Variants in ERC2 observed in about 807,000 individuals in gnomAD.
ERC2 encodes ERC protein 2.
Under a neutral mutation model 114.8 loss-of-function variants are expected in ERC2, and 42 were observed. The observed-to-expected ratio is 0.37, with a 90% CI of 0.29 to 0.47. The LOEUF (loss-of-function observed/expected upper bound fraction) is 0.47. ERC2 is among the 20% of genes least tolerant of loss of function. ERC2 has a pLI of 0.99. For synonymous variants in ERC2, 454 were observed against 425.5 expected, an observed-to-expected ratio of 1.07 and a Z score of -0.82; for missense variants, 939 against 1,150.7, an observed-to-expected ratio of 0.82 and a Z score of 2.66.
chr3:56,426,500 T>G (rs1212413659), intron 2 of ERC2, among the ~76,000 whole-genome samples: 5 of 152,252 alleles, frequency 3.3e-5, no homozygotes, highest in African/African-American at 1.2e-4. Context: ...CCCCTCTGCC[T>G]TGGCAGGGAG....
intron 17 of ERC2, among the ~76,000 whole-genome samples, chr3:55,600,399 C>G (rs1020177464): frequency 6.6e-6 from 1 of 152,128 alleles, no homozygotes; most frequent in African/African-American, 2.4e-5. Flanking sequence ...AAATAACAGG[C>G]TGTCTTTAAG....
At chr3:55,802,175 A>C (rs903303870) in intron 14 of ERC2, among the ~76,000 whole-genome samples, 4 of 152,270 alleles carry the variant, frequency 2.6e-5, no homozygotes, top group Non-Finnish European at 4.4e-5. Flanking sequence ...AAATGTACTC[A>C]ATTACAAATT....
intron 13 of ERC2, among the ~76,000 whole-genome samples, chr3:55,934,082 A>G (rs1193195600): frequency 6.6e-6 from 1 of 152,208 alleles, no homozygotes; most frequent in Admixed American, 6.5e-5. Flanking sequence ...GCATATGTGT[A>G]TATATATCTA....
intron 6 of ERC2, among the ~76,000 whole-genome samples, chr3:56,135,000 G>A (rs2080422271): frequency 6.6e-6 from 1 of 151,580 alleles, no homozygotes; most frequent in Non-Finnish European, 1.5e-5. Context: ...AGGCTGGAGT[G>A]CAGTGGCATG....
chr3:55,825,837 AATT>A (rs2060304360), intron 14 of ERC2, among the ~76,000 whole-genome samples: 1 of 152,112 alleles, frequency 6.6e-6, no homozygotes, highest in African/African-American at 2.4e-5. Flanking sequence ...TTTTTGTTTT[AATT>A]ATTATTATTT....
chr3:55,948,115 C>T (rs972538780), intron 13 of ERC2, among the ~76,000 whole-genome samples: 4 of 152,194 alleles, frequency 2.6e-5, no homozygotes, highest in African/African-American at 9.7e-5. Context: ...CTTCATTCAA[C>T]TTTGTTTCCG....
chr3:56,029,152 G>A (rs745901441), intron 7 of ERC2, among the ~76,000 whole-genome samples: 4 of 151,788 alleles, frequency 2.6e-5, no homozygotes, highest in Non-Finnish European at 5.9e-5. Flanking sequence ...AATTTCACTT[G>A]GTCATGCCAT....
chr3:56,416,367 C>G (rs1442049864), intron 2 of ERC2, among the ~76,000 whole-genome samples: 1 of 152,056 alleles, frequency 6.6e-6, no homozygotes, highest in East Asian at 1.9e-4. Context: ...TCATACTGGC[C>G]CATTCCCTAC....
chr3:56,167,615 C>T (rs6445768), intron 4 of ERC2, among the ~76,000 whole-genome samples: 124,556 of 152,030 alleles, frequency 0.82, 52,184 homozygotes, highest in South Asian at 0.93. Flanking sequence ...TTTGTTGTTG[C>T]TTTATATTGG....
chr3:55,596,508 G>T (rs2058143746), intron 17 of ERC2, among the ~76,000 whole-genome samples: 1 of 152,184 alleles, frequency 6.6e-6, no homozygotes, highest in Non-Finnish European at 1.5e-5. Context: ...GAGCCCAGGA[G>T]TTCAAGGTTA....
At chr3:56,168,082 T>C (rs1349319165) in intron 4 of ERC2, among the ~76,000 whole-genome samples, 3 of 151,926 alleles carry the variant, frequency 2.0e-5, no homozygotes, top group Admixed American at 2.0e-4. Flanking sequence ...AAAGAAGGAG[T>C]AAAGAGTGCA....
intron 14 of ERC2, among the ~76,000 whole-genome samples, chr3:55,790,052 G>C (rs1041897190): frequency 4.6e-5 from 7 of 152,066 alleles, no homozygotes; most frequent in African/African-American, 1.7e-4. Context: ...AAGTCTAAAG[G>C]CTCTCCCCCA....
chr3:56,224,845 C>T (rs1356093011), intron 3 of ERC2, among the ~76,000 whole-genome samples: 1 of 152,146 alleles, frequency 6.6e-6, no homozygotes, highest in African/African-American at 2.4e-5. Flanking sequence ...ACTGAATACC[C>T]ATTATGAGCC....
At chr3:56,434,121 T>C in intron 2 of ERC2, 15 of 321,708 alleles carry the variant, frequency 4.7e-5, no homozygotes, top group Non-Finnish European at 4.8e-5. Flanking sequence ...ACCCCACCCC[T>C]CTCCCCATCT....
chr3:56,333,990 A>T (rs140113654), intron 2 of ERC2, among the ~76,000 whole-genome samples: 188 of 152,284 alleles, frequency 1.2e-3, no homozygotes, highest in African/African-American at 4.2e-3. Flanking sequence ...TAATCTTTGA[A>T]TCTCTATGGT....
At chr3:56,431,134 C>T (rs1433494245) in intron 2 of ERC2, among the ~76,000 whole-genome samples, 1 of 152,202 alleles carries the variant, frequency 6.6e-6, no homozygotes, top group Non-Finnish European at 1.5e-5. Flanking sequence ...GCACTAAGCA[C>T]AATGCCTAGC....
chr3:55,738,246 C>T (rs2065763435), intron 14 of ERC2, among the ~76,000 whole-genome samples: 1 of 151,878 alleles, frequency 6.6e-6, no homozygotes, highest in Non-Finnish European at 1.5e-5. Flanking sequence ...CAAGATAATC[C>T]CTAAAACATA....
In ERC2 at chr3:55,733,538, TCTCTCACACACACA is replaced by T. The variant is rs2065426615; in HGVS notation, c.2712+1219_2712+1232del. 1.2e-4 allele frequency among the ~76,000 whole-genome samples: 9 copies of T among 74,246 alleles called. No individual in the cohort carries two copies. The South Asian group carries it at 2.1e-3, about 18-fold the overall frequency. 48.7% of individuals were successfully genotyped at this position (74,246 alleles called of 152,430 possible). ...CTCTCTGTCTCTCATTCTTTCTCTCTCTCTCACACACACACACACACACACACACACACACACAC... is the reference window on the plus strand; with the variant it reads ...CTCTCTGTCTCTCATTCTTTCTCTCTCACACACACACACACACACACACAC... On this transcript the variant is annotated intron_variant, in intron 15 of 17. Coordinates refer to ENST00000288221, the MANE Select transcript of ERC2 (RefSeq NM_015576.3).
At position 56,019,129 on chromosome 3, in the gene ERC2, C is replaced by A. The variant is rs1397318788; in HGVS notation, c.1642-98G>T. ...ATTAATAAAAAAAGAAAGAAAAAGA[C>A]CTGAAATGATAGAAATTGTCAGTAG... On this transcript the variant is annotated intron_variant, in intron 7 of 17. Coordinates refer to ENST00000288221, the MANE Select transcript of ERC2 (RefSeq NM_015576.3). The A allele has an allele frequency of 1.1e-5, 10 of 932,548 alleles. No homozygotes were observed. In the Admixed American group the frequency reaches 1.1e-4, roughly 11 times the overall value. 57.8% of individuals were successfully genotyped at this position (932,548 alleles called of 1,614,324 possible). A position where few individuals can be genotyped will look rare whatever the true frequency, so the allele number is the denominator to read the frequency against.
Sources: allele counts gnomAD v4.1 joint callset (sites outside exome capture counted in the v4.1 genomes callset), GRCh38; gene constraint gnomAD v4.1.1; transcripts MANE v1.5; gene names NCBI Gene and HGNC (gene_info 2026-07-23, HGNC 2026-07-21).